Variants in CCNYL1 observed in about 807,000 individuals in gnomAD.
CCNYL1 encodes cyclin-Y-like protein 1.
In CCNYL1, 16 loss-of-function variants were observed where a neutral mutation model predicts 44.2. The observed-to-expected ratio is 0.36, with a 90% confidence interval of 0.25 to 0.55. CCNYL1 has a LOEUF of 0.55. CCNYL1 is among the 20% of genes least tolerant of loss of function. The pLI is 0.85. For synonymous variants in CCNYL1, 159 were observed against 163.2 expected, an observed-to-expected ratio of 0.97 and a Z score of 0.20; for missense variants, 348 against 451.8, an observed-to-expected ratio of 0.77 and a Z score of 2.08.
rs1224864519 is a variant in CCNYL1, at chr2:207,753,628, C to T, written c.1010C>T (p.Ala337Val). 6.2e-7 allele frequency: 1 copy of T among 1,613,504 alleles called. No individual in the cohort carries two copies. The highest frequency in any genetic ancestry group is 1.7e-5 in the Admixed American group (1 of 60,006). Residue 337 changes from alanine (A) to valine (V), a missense_variant, in exon 10 of 10, where the codon GCC becomes GTC. Around this residue, in one of 3 missense-constraint regions of CCNYL1, gnomAD observed 94 missense variants for 102.4 expected, o/e 0.92. Transcript: ENST00000295414. ...TGTGAAGACAAAGACTTGTGTAGAG[C>T]CGCTATGAGAAGGTCTTTCAGTGCT... ...RLCEDKDLCR[A>V]AMRRSFSADN...
intron 1 of CCNYL1, chr2:207,714,710 A>T (rs1193106355): frequency 6.4e-6 from 1 of 157,196 alleles, no homozygotes; most frequent in African/African-American, 2.4e-5. Flanking sequence ...GGAAAAAGAG[A>T]ATTTGTAAGC....
At chr2:207,725,737 A>G (rs6736624) in intron 2 of CCNYL1, among the ~76,000 whole-genome samples, 4,238 of 152,314 alleles carry the variant, frequency 0.028, 204 homozygotes, top group African/African-American at 0.096. Flanking sequence ...TCAGCAAGTG[A>G]AACTTACGTA....
intron 7 of CCNYL1, 94 bp downstream of exon 7, chr2:207,742,436 TATC>T (rs544900589): frequency 1.7e-6 from 2 of 1,165,420 alleles, no homozygotes; most frequent in Non-Finnish European, 1.2e-6. Context: ...TTCCTGAAAT[TATC>T]ATCAGAACTT....
At chr2:207,719,003 T>C (rs763214559) in intron 1 of CCNYL1, among the ~76,000 whole-genome samples, 6 of 151,702 alleles carry the variant, frequency 4.0e-5, no homozygotes, top group Non-Finnish European at 7.4e-5. Flanking sequence ...TCTTTACTGC[T>C]ATGGAGTGAT....
intron 3 of CCNYL1, among the ~76,000 whole-genome samples, chr2:207,727,809 G>A (rs2105825154): frequency 6.6e-6 from 1 of 152,062 alleles, no homozygotes; most frequent in South Asian, 2.1e-4. Context: ...GTCCTTTTGT[G>A]TTGGGTCCCC....
At chr2:207,712,484 T>G (rs143512385) in intron 1 of CCNYL1, among the ~76,000 whole-genome samples, 1 of 152,272 alleles carries the variant, frequency 6.6e-6, no homozygotes, top group African/African-American at 2.4e-5. Context: ...ATACCTCAAC[T>G]TCGGAGTACT....
chr2:207,728,444 T>C (rs1343238427), intron 3 of CCNYL1, among the ~76,000 whole-genome samples: 1 of 151,998 alleles, frequency 6.6e-6, no homozygotes, highest in Non-Finnish European at 1.5e-5. Flanking sequence ...TCCAGCTAAT[T>C]TTTGTATTTT....
chr2:207,717,363 G>A (rs2091605031), intron 1 of CCNYL1, among the ~76,000 whole-genome samples: 2 of 152,164 alleles, frequency 1.3e-5, no homozygotes, highest in South Asian at 4.1e-4. Flanking sequence ...CTAGTTTTGG[G>A]TGTGCTGAAA....
chr2:207,748,319 C>T (rs778222865), intron 8 of CCNYL1, among the ~76,000 whole-genome samples: 1 of 152,210 alleles, frequency 6.6e-6, no homozygotes, highest in Non-Finnish European at 1.5e-5. Context: ...CGGACAACCA[C>T]AGCACCACTT....
intron 5 of CCNYL1, 96 bp from the exon 6 acceptor site, chr2:207,740,559 A>C: frequency 1.3e-6 from 1 of 794,784 alleles, no homozygotes; most frequent in Non-Finnish European, 2.2e-6. Flanking sequence ...ACACCAAAGC[A>C]AACAGGAGGC....
chr2:207,747,803 C>G (rs1380394392), intron 8 of CCNYL1, among the ~76,000 whole-genome samples: 1 of 152,244 alleles, frequency 6.6e-6, no homozygotes, highest in Middle Eastern at 3.4e-3. Context: ...TGTGATTCGC[C>G]CGCCTCCGTC....
chr2:207,753,736 A>G lies in CCNYL1; in HGVS notation c.*38A>G, dbSNP rs760195716. ...GGGGTTATAACGTCATGGGACCTTC[A>G]TCTACAAAGACTGGAGAAATACCAC... On this transcript the variant is annotated 3_prime_UTR_variant, in exon 10 of 10. Coordinates refer to ENST00000295414, the MANE Select transcript of CCNYL1 (RefSeq NM_001330218.2). 7.7e-7 allele frequency: 1 copy of G among 1,293,194 alleles called. No individual in the cohort carries two copies. The highest frequency in any genetic ancestry group is 1.1e-6 in the Non-Finnish European group (1 of 899,514). The allele number at this position is 1,293,194 out of a possible 1,614,324, so 80.1% of individuals were successfully genotyped here.
At chr2:207,751,786 G>A (rs936021471) in intron 9 of CCNYL1, among the ~76,000 whole-genome samples, 10 of 151,648 alleles carry the variant, frequency 6.6e-5, no homozygotes, top group Admixed American at 2.6e-4. Context: ...CCCGGGAGGC[G>A]GAGGTTGTGG....
intron 3 of CCNYL1, 63 bp from the exon 4 acceptor site, chr2:207,733,884 A>G: frequency 9.3e-7 from 1 of 1,069,726 alleles, no homozygotes; most frequent in Non-Finnish European, 1.4e-6. Context: ...TAACCAAGGA[A>G]AAACCACACT....
chr2:207,740,983 C>A (rs1000179612), intron 6 of CCNYL1, among the ~76,000 whole-genome samples: 1 of 152,226 alleles, frequency 6.6e-6, no homozygotes, highest in Non-Finnish European at 1.5e-5. Context: ...AGGCCGGGCA[C>A]GGTGGCTCAT....
chr2:207,750,095 C>T (rs759618854), intron 8 of CCNYL1, among the ~76,000 whole-genome samples: 10 of 152,184 alleles, frequency 6.6e-5, no homozygotes, highest in Non-Finnish European at 1.2e-4. Context: ...CTCACTCCTA[C>T]ATTCTGTTCT....
At chr2:207,730,970 C>G (rs1016464924) in intron 3 of CCNYL1, among the ~76,000 whole-genome samples, 1 of 152,002 alleles carries the variant, frequency 6.6e-6, no homozygotes, top group African/African-American at 2.4e-5. Context: ...AAGTGTAAAT[C>G]TAAGTTTAAA....
At chr2:207,715,043 G>C (rs2091582663) in intron 1 of CCNYL1, among the ~76,000 whole-genome samples, 1 of 152,194 alleles carries the variant, frequency 6.6e-6, no homozygotes, top group South Asian at 2.1e-4. Flanking sequence ...GCTGAGGTGG[G>C]CGGATCACGA....
At chr2:207,719,059 A>G (rs894016816) in intron 1 of CCNYL1, among the ~76,000 whole-genome samples, 2 of 152,020 alleles carry the variant, frequency 1.3e-5, no homozygotes, top group Non-Finnish European at 2.9e-5. Flanking sequence ...CAAGGAGGAG[A>G]ATGTACAGTA....
Sources: allele counts gnomAD v4.1 joint callset (sites outside exome capture counted in the v4.1 genomes callset), GRCh38; gene constraint gnomAD v4.1.1; regional missense constraint gnomAD v4.1.1; transcripts MANE v1.5; gene names NCBI Gene and HGNC (gene_info 2026-07-23, HGNC 2026-07-21).